Variants in BCL2 observed in about 807,000 individuals in gnomAD.
BCL2 encodes apoptosis regulator Bcl-2.
BCL2 carries 1 observed loss-of-function variant against 14.2 expected under a neutral mutation model. The ratio of observed to expected loss-of-function variants is 0.07; its 90% CI spans 0.02 to 0.33. The LOEUF (loss-of-function observed/expected upper bound fraction) is 0.33. BCL2 is among the 10% of genes least tolerant of loss of function. The pLI is 0.99. For missense variants in BCL2, 247 were observed against 305.9 expected (o/e 0.81, Z 1.44); for synonymous variants, 151 against 137.2 (o/e 1.10, Z -0.70).
chr18:63,125,715 T>G lies in BCL2; in HGVS notation c.*2910A>C. On this transcript the variant is annotated 3_prime_UTR_variant, in exon 3 of 3. Transcript: ENST00000333681. ...GGAGAAAAAAATGACTAGTTGAGGC[T>G]TTTATATACATTCATTGCTTCTAAC... 1 of 214,228 alleles carries G rather than the reference T, an allele frequency of 4.7e-6. No homozygotes were observed. The highest frequency in any genetic ancestry group is 6.9e-5 in the East Asian group (1 of 14,500). 13.3% of individuals were successfully genotyped at this position (214,228 alleles called of 1,614,324 possible). A position where few individuals can be genotyped will look rare whatever the true frequency, so the allele number is the denominator to read the frequency against.
At chr18:63,248,600 A>G (rs1182672253) in intron 2 of BCL2, among the ~76,000 whole-genome samples, 1 of 152,212 alleles carries the variant, frequency 6.6e-6, no homozygotes. Context: ...TGCTAATACC[A>G]TTATAAGAGC....
chr18:63,175,443 CCAAT>C (rs1459972833), intron 2 of BCL2, among the ~76,000 whole-genome samples: 2 of 152,218 alleles, frequency 1.3e-5, no homozygotes, highest in African/African-American at 4.8e-5. Context: ...TGCACCTAGG[CCAAT>C]CAGACTAGGC....
At chr18:63,153,009 C>T (rs1285507293) in intron 2 of BCL2, among the ~76,000 whole-genome samples, 1 of 152,162 alleles carries the variant, frequency 6.6e-6, no homozygotes, top group Non-Finnish European at 1.5e-5. Context: ...TTTGCCTCTG[C>T]CTCCCACTTT....
intron 2 of BCL2, among the ~76,000 whole-genome samples, chr18:63,305,197 A>G (rs1040284982): frequency 2.6e-5 from 4 of 152,224 alleles, no homozygotes; most frequent in African/African-American, 9.6e-5. Flanking sequence ...ACCAGAAACA[A>G]AAGACTGCAT....
At chr18:63,274,323 C>T (rs1912089214) in intron 2 of BCL2, among the ~76,000 whole-genome samples, 1 of 133,368 alleles carries the variant, frequency 7.5e-6, no homozygotes, top group South Asian at 2.5e-4. Flanking sequence ...TGCTCTGTCA[C>T]CCAGGCTGGA....
intron 2 of BCL2, among the ~76,000 whole-genome samples, chr18:63,218,574 T>G (rs992448190): frequency 1.5e-4 from 6 of 40,580 alleles, no homozygotes; most frequent in Non-Finnish European, 3.2e-4. Flanking sequence ...GCCAATCAAA[T>G]TCTGATCCTC....
At chr18:63,169,892 C>A (rs928858358) in intron 2 of BCL2, among the ~76,000 whole-genome samples, 1 of 152,156 alleles carries the variant, frequency 6.6e-6, no homozygotes, top group Non-Finnish European at 1.5e-5. Context: ...AAATTCTTAT[C>A]TCTTGAGAAG....
At chr18:63,296,788 T>C (rs1912809099) in intron 2 of BCL2, among the ~76,000 whole-genome samples, 1 of 152,194 alleles carries the variant, frequency 6.6e-6, no homozygotes, top group Non-Finnish European at 1.5e-5. Context: ...TACACAACTG[T>C]AGCTCATTGA....
At chr18:63,305,591 G>A (rs763822263) in intron 2 of BCL2, among the ~76,000 whole-genome samples, 9 of 151,866 alleles carry the variant, frequency 5.9e-5, no homozygotes, top group Non-Finnish European at 1.0e-4. Flanking sequence ...CCTACGTAAA[G>A]GCAAGAAACC....
At chr18:63,221,642 G>T (rs982274251) in intron 2 of BCL2, among the ~76,000 whole-genome samples, 1 of 152,188 alleles carries the variant, frequency 6.6e-6, no homozygotes, top group African/African-American at 2.4e-5. Context: ...AGGTAGCGGG[G>T]CCAGAACTGA....
In BCL2 at chr18:63,126,470, T is replaced by C. The variant is rs1226389874; in HGVS notation, c.*2155A>G. The C allele has an allele frequency of 4.4e-6, 1 of 228,188 alleles. No homozygotes were observed. The highest frequency in any genetic ancestry group is 8.7e-6 in the Non-Finnish European group (1 of 114,812). The allele number at this position is 228,188 out of a possible 1,614,324, so 14.1% of individuals were successfully genotyped here. A position where few individuals can be genotyped will look rare whatever the true frequency, so the allele number is the denominator to read the frequency against. On this transcript the variant is annotated 3_prime_UTR_variant, in exon 3 of 3. Transcript: ENST00000333681. ...TGAATCTCATGGGTTTAACCAAACA[T>C]GCATGTAATCCTGAATACCATGAAT... is the stretch of plus-strand genomic sequence containing the variant.
intron 2 of BCL2, among the ~76,000 whole-genome samples, chr18:63,305,415 T>C (rs559222880): frequency 1.6e-3 from 240 of 152,270 alleles, no homozygotes; most frequent in African/African-American, 5.5e-3. Flanking sequence ...GTACACACCT[T>C]TGTTGGGCGA....
At chr18:63,216,481 CTGA>C (rs1193059057) in intron 2 of BCL2, among the ~76,000 whole-genome samples, 1 of 151,382 alleles carries the variant, frequency 6.6e-6, no homozygotes, top group African/African-American at 2.4e-5. Context: ...AAAGTTTACA[CTGA>C]TGTCTGCAAA....
intron 2 of BCL2, among the ~76,000 whole-genome samples, chr18:63,171,879 GC>G (rs1364246206): frequency 6.6e-6 from 1 of 152,198 alleles, no homozygotes; most frequent in Non-Finnish European, 1.5e-5. Flanking sequence ...TACTCATGAG[GC>G]CCAGGCAGAA....
At chr18:63,254,954 G>A (rs766725356) in intron 2 of BCL2, among the ~76,000 whole-genome samples, 2 of 152,236 alleles carry the variant, frequency 1.3e-5, no homozygotes, top group Non-Finnish European at 2.9e-5. Flanking sequence ...AGAATGCAAA[G>A]CTGCAAAACA....
chr18:63,264,877 G>T (rs1210487174), intron 2 of BCL2, among the ~76,000 whole-genome samples: 2 of 152,296 alleles, frequency 1.3e-5, no homozygotes, highest in African/African-American at 4.8e-5. Flanking sequence ...CCCATGTGGG[G>T]AGTACGCTGT....
intron 2 of BCL2, among the ~76,000 whole-genome samples, chr18:63,155,192 G>A (rs2144612328): frequency 6.6e-6 from 1 of 152,334 alleles, no homozygotes; most frequent in Non-Finnish European, 1.5e-5. Flanking sequence ...AGGGCGGGCA[G>A]AGGTGGCAAA....
At chr18:63,304,377 T>G (rs901226276) in intron 2 of BCL2, among the ~76,000 whole-genome samples, 1 of 152,202 alleles carries the variant, frequency 6.6e-6, no homozygotes, top group Non-Finnish European at 1.5e-5. Flanking sequence ...GAAACCCTAC[T>G]GATGAAGGCT....
chr18:63,273,994 ACT>A (rs1285697664), intron 2 of BCL2, among the ~76,000 whole-genome samples: 2 of 152,124 alleles, frequency 1.3e-5, no homozygotes, highest in African/African-American at 4.8e-5. Flanking sequence ...ACTTTTGGAA[ACT>A]CTCTGGACAT....
Sources: allele counts gnomAD v4.1 joint callset (sites outside exome capture counted in the v4.1 genomes callset), GRCh38; gene constraint gnomAD v4.1.1; transcripts MANE v1.5; gene names NCBI Gene and HGNC (gene_info 2026-07-23, HGNC 2026-07-21).